FSIP2: variants seen among roughly 807,000 people sequenced by gnomAD.
The protein encoded by FSIP2 is fibrous sheath interacting protein 2, also known as fibrous sheath-interacting protein 2.
A neutral mutation model predicts 510.5 loss-of-function variants in FSIP2; 367 were observed. The observed-to-expected ratio is 0.72, with a 90% CI of 0.66 to 0.78. The LOEUF is 0.78. Among genes scored for constraint, FSIP2 ranks in the 30% least tolerant of loss-of-function variants. The pLI, the probability that FSIP2 is intolerant of heterozygous loss-of-function variation, is 0.00. For synonymous variants in FSIP2, 2,601 were observed against 2,732.2 expected (o/e 0.95, Z 1.50); for missense variants, 7,594 against 7,901.7 (o/e 0.96, Z 1.48).
chr2:185,766,717 G>A (rs2105567257), intron 13 of FSIP2, among the ~76,000 whole-genome samples: 1 of 150,490 alleles, frequency 6.6e-6, no homozygotes, highest in South Asian at 2.1e-4. Flanking sequence ...TACACTGTTG[G>A]TGGGACTGTA....
At chr2:185,780,638 A>T (rs1692829016) in intron 13 of FSIP2, among the ~76,000 whole-genome samples, 1 of 151,954 alleles carries the variant, frequency 6.6e-6, no homozygotes, top group African/African-American at 2.4e-5. Flanking sequence ...AATATTTGAA[A>T]TCTTTGAGGT....
chr2:185,810,726 C>T (rs563246559), intron 17 of FSIP2, among the ~76,000 whole-genome samples: 2 of 151,636 alleles, frequency 1.3e-5, no homozygotes, highest in Non-Finnish European at 2.9e-5. Flanking sequence ...GACAGAGCCT[C>T]TTTTTTGTGG....
upstream of FSIP2, among the ~76,000 whole-genome samples, chr2:185,737,972 AG>A (rs1440821161): frequency 6.6e-6 from 1 of 152,226 alleles, no homozygotes; most frequent in African/African-American, 2.4e-5. Context: ...AATGTTTAAA[AG>A]GGTGTTTGGC....
In FSIP2 at chr2:185,806,934, T is replaced by C; in HGVS notation, c.17628T>C (p.Asp5876=). 1 of 1,611,604 alleles carries C rather than the reference T, an allele frequency of 6.2e-7. No individual in the cohort carries two copies. The highest frequency in any genetic ancestry group is 8.5e-7 in the Non-Finnish European group (1 of 1,178,738). Residue 5876 remains aspartate, a synonymous_variant, in exon 17 of 23, where the codon GAT becomes GAC. Coordinates refer to ENST00000424728, the MANE Select transcript of FSIP2 (RefSeq NM_173651.4). ...VPPRYKEPTT[D]EAPSSIKIKS... is the part of the protein sequence containing the mutation. ...CAAGGTATAAAGAGCCAACTACAGA[T>C]GAAGCACCATCCAGCATTAAGATAA...
At chr2:185,818,049 A>G (rs535519960) in intron 19 of FSIP2, among the ~76,000 whole-genome samples, 3 of 151,962 alleles carry the variant, frequency 2.0e-5, no homozygotes, top group Non-Finnish European at 2.9e-5. Flanking sequence ...GGATACCCCA[A>G]TTACCCTGAC....
Position 185,800,665 on chromosome 2 carries a change from G to T in FSIP2, c.11359G>T (p.Glu3787Ter). 1 of 1,534,186 alleles carries T rather than the reference G, an allele frequency of 6.5e-7. No individual in the cohort carries two copies. Among genetic ancestry groups the T allele is most frequent in the Non-Finnish European group, 8.7e-7 (1 of 1,145,648 alleles). ...GSVSEETSAEECQLLKMLQSV... is the reference protein window; with the variant it reads ...GSVSEETSAE Reference sequence around the variant, plus strand: ...TGTTTCAGAGGAAACATCAGCAGAAGAATGTCAACTTTTAAAAATGCTTCA... The same window carrying T: ...TGTTTCAGAGGAAACATCAGCAGAATAATGTCAACTTTTAAAAATGCTTCA... Residue 3787 changes from glutamate to a stop codon, truncating the protein, a stop_gained, in exon 17 of 23, where the codon GAA becomes TAA. Transcript: ENST00000424728. LOFTEE classifies it high-confidence loss of function.
intron 19 of FSIP2, among the ~76,000 whole-genome samples, chr2:185,816,302 C>T (rs911800745): frequency 1.3e-5 from 2 of 151,426 alleles, no homozygotes; most frequent in Non-Finnish European, 2.9e-5. Context: ...TTTTCTCCTA[C>T]ATAATAGGTT....
intron 2 of FSIP2, among the ~76,000 whole-genome samples, chr2:185,742,076 A>G (rs920316554): frequency 2.6e-5 from 4 of 152,172 alleles, no homozygotes; most frequent in African/African-American, 9.7e-5. Flanking sequence ...TATTACCTAC[A>G]TACTCCAATT....
intron 18 of FSIP2, among the ~76,000 whole-genome samples, chr2:185,814,935 C>T (rs528287448): frequency 1.3e-5 from 2 of 151,956 alleles, no homozygotes; most frequent in Non-Finnish European, 2.9e-5. Context: ...ATAAATATAA[C>T]TCTGGTCAAT....
intron 13 of FSIP2, among the ~76,000 whole-genome samples, chr2:185,777,170 C>T (rs541455001): frequency 1.4e-4 from 21 of 152,222 alleles, no homozygotes; most frequent in African/African-American, 4.8e-4. Context: ...CTGAGGATGA[C>T]CATAACCTCC....
At chr2:185,754,297 A>G (rs953669016) in intron 8 of FSIP2, among the ~76,000 whole-genome samples, 2 of 151,628 alleles carry the variant, frequency 1.3e-5, no homozygotes, top group Non-Finnish European at 3.0e-5. Flanking sequence ...CCCGGCCTCT[A>G]CCAGCTTCCT....
chr2:185,818,045 C>T (rs1693855469), intron 19 of FSIP2, among the ~76,000 whole-genome samples: 1 of 151,718 alleles, frequency 6.6e-6, no homozygotes, highest in African/African-American at 2.4e-5. Context: ...TGATGGATAC[C>T]CCAATTACCC....
chr2:185,828,093 T>A (rs1391859066), intron 20 of FSIP2, 63 bp from the exon 21 acceptor site: 1 of 882,784 alleles, frequency 1.1e-6, no homozygotes, highest in African/African-American at 1.7e-5. Context: ...ATCAGATTTG[T>A]GTCAACAAAT....
intron 21 of FSIP2, among the ~76,000 whole-genome samples, chr2:185,830,144 C>G (rs575988521): frequency 6.6e-6 from 1 of 151,664 alleles, no homozygotes; most frequent in African/African-American, 2.4e-5. Context: ...AACAAACAAA[C>G]GAAAAAAATC....
chr2:185,745,076 G>A (rs1291462132), intron 4 of FSIP2: 1 of 157,412 alleles, frequency 6.4e-6, no homozygotes, highest in East Asian at 1.8e-4. Flanking sequence ...GTTTGCAAAT[G>A]TATGTCCTAA....
intron 8 of FSIP2, 115 bp from the exon 9 acceptor site, chr2:185,756,076 CA>C: frequency 2.6e-6 from 1 of 387,836 alleles, no homozygotes; most frequent in East Asian, 3.5e-5. Context: ...CGCAATCCCA[CA>C]TACAGATTAG....
Position 185,804,950 on chromosome 2 carries a change from A to G in FSIP2, c.15644A>G (p.Lys5215Arg). ...GAAGTACAAAAAGATGCAGACAAAA[A>G]AGGATGCTCATTCCTCAGTAAATTA... is the stretch of plus-strand genomic sequence containing the variant. ...QAEVQKDADK[K>R]GCSFLSKLAG... Residue 5215 changes from lysine (K) to arginine (R), a missense_variant, in exon 17 of 23, where the codon AAA (lysine) becomes AGA (arginine). Transcript: ENST00000424728. 6.5e-7 allele frequency: 1 copy of G among 1,533,646 alleles called. No individual in the cohort carries two copies. The highest frequency in any genetic ancestry group is 8.7e-7 in the Non-Finnish European group (1 of 1,145,802).
In FSIP2 at chr2:185,761,014, C is replaced by T. The variant is rs1199667952; in HGVS notation, c.1105C>T (p.Arg369Cys). Reference protein sequence around the residue: ...HGHTANAAHQRQNSSNNFTKK... With the variant: ...HGHTANAAHQCQNSSNNFTKK... ...ACATACAGCAAATGCTGCTCATCAG[C>T]GTCAAAATAGTTCAAATAATTTTAC... The change falls in exon 10 of 23, where the codon CGT (arginine) becomes TGT (cysteine). Residue 369 changes from arginine to cysteine, a missense_variant. Arg to Cys is a radical substitution (Grantham distance 180). Transcript: ENST00000424728. 4.0e-6 allele frequency: 6 copies of T among 1,493,650 alleles called. No individual in the cohort carries two copies. The highest frequency in any genetic ancestry group is 2.5e-5 in the South Asian group (2 of 80,234). The allele number at this position is 1,493,650 out of a possible 1,614,324, so 92.5% of individuals were successfully genotyped here. A position where few individuals can be genotyped will look rare whatever the true frequency, so the allele number is the denominator to read the frequency against.
chr2:185,802,446 T>C lies in FSIP2; in HGVS notation c.13140T>C (p.Asn4380=), dbSNP rs1426354405. Residue 4380 remains asparagine (N), a synonymous_variant, in exon 17 of 23, where the codon AAT becomes AAC. Transcript: ENST00000424728. ...AACTTGCCACCTCAGTTTATAGAAA[T>C]GCTTTAAAGCAGCATGGGCTAGACC... ...VDELATSVYR[N]ALKQHGLDLA... 6.5e-7 allele frequency: 1 copy of C among 1,534,052 alleles called. No individual in the cohort carries two copies.
Sources: allele counts gnomAD v4.1 joint callset (sites outside exome capture counted in the v4.1 genomes callset), GRCh38; gene constraint gnomAD v4.1.1; transcripts MANE v1.5; gene names NCBI Gene and HGNC (gene_info 2026-07-23, HGNC 2026-07-21).